The following SLCO1B3 variants were observed in gnomAD, a reference collection of about 807,000 sequenced individuals.
The protein encoded by SLCO1B3 is solute carrier organic anion transporter family member 1B3.
Under a neutral mutation model 71.8 loss-of-function variants are expected in SLCO1B3, and 72 were observed. The observed-to-expected ratio is 1.00, with a 90% CI of 0.83 to 1.22. The LOEUF is 1.22. Ranked by LOEUF, SLCO1B3 falls within the 50% of genes most tolerant of loss-of-function variation. SLCO1B3 has a pLI of 0.00. For synonymous variants in SLCO1B3, 298 were observed against 278.4 expected (o/e 1.07, Z -0.70); for missense variants, 911 against 819.7 (o/e 1.11, Z -1.36).
chr12:20,835,358 T>G (rs931363169), intron 3 of SLCO1B3, among the ~76,000 whole-genome samples: 4 of 152,236 alleles, frequency 2.6e-5, no homozygotes, highest in Non-Finnish European at 4.4e-5. Flanking sequence ...TTCTGCTGCC[T>G]GCTTGAATAT....
chr12:20,901,324 T>A (rs1327554765), intron 14 of SLCO1B3, 26 bp from the exon 15 acceptor site: 3 of 1,302,252 alleles, frequency 2.3e-6, no homozygotes, highest in Non-Finnish European at 3.2e-6. Flanking sequence ...TCACTTGGAT[T>A]GATATCTTTT....
intron 13 of SLCO1B3, among the ~76,000 whole-genome samples, chr12:20,886,212 A>C (rs879490484): frequency 2.6e-5 from 4 of 152,018 alleles, no homozygotes; most frequent in Non-Finnish European, 4.4e-5. Flanking sequence ...GTTTGGAGGA[A>C]GTAGAAAAGC....
At chr12:20,878,743 G>C (rs757866005) in intron 10 of SLCO1B3, among the ~76,000 whole-genome samples, 6 of 152,184 alleles carry the variant, frequency 3.9e-5, no homozygotes, top group African/African-American at 1.4e-4. Context: ...TTTTTTGTTA[G>C]AGGAATCTTC....
chr12:20,891,001 T>TA (rs1340625724), intron 13 of SLCO1B3, among the ~76,000 whole-genome samples: 1 of 152,152 alleles, frequency 6.6e-6, no homozygotes, highest in Non-Finnish European at 1.5e-5. Context: ...GAAGAGTGTT[T>TA]AGTATATTTA....
chr12:20,866,527 A>T (rs1188738200), intron 8 of SLCO1B3, among the ~76,000 whole-genome samples: 1 of 152,150 alleles, frequency 6.6e-6, no homozygotes, highest in Non-Finnish European at 1.5e-5. Flanking sequence ...TGAATGATTT[A>T]AAGCTGGAGA....
intron 13 of SLCO1B3, among the ~76,000 whole-genome samples, chr12:20,887,793 T>C (rs1865821866): frequency 6.6e-6 from 1 of 151,916 alleles, no homozygotes; most frequent in South Asian, 2.1e-4. Flanking sequence ...TCATAATTTC[T>C]TTGCCTAGAT....
At position 20,817,643 on chromosome 12, in the gene SLCO1B3, A is replaced by G. The variant is rs535908099; in HGVS notation, c.84+1821A>G. 3.9e-5 allele frequency among the ~76,000 whole-genome samples: 6 copies of G among 152,188 alleles called. No individual in the cohort carries two copies. In the East Asian group the frequency reaches 1.2e-3, roughly 30 times the overall value. On this transcript the variant is annotated intron_variant, in intron 3 of 15. Transcript: ENST00000381545. Reference sequence around the variant, plus strand: ...CGCTCTGTCACCCAGGCTGGAGTGCAGTGGCATGATCTCGGCTCACTGCAA... The same window carrying G: ...CGCTCTGTCACCCAGGCTGGAGTGCGGTGGCATGATCTCGGCTCACTGCAA...
At chr12:20,905,441 C>T (rs1302361583) in intron 15 of SLCO1B3, among the ~76,000 whole-genome samples, 1 of 152,200 alleles carries the variant, frequency 6.6e-6, no homozygotes, top group African/African-American at 2.4e-5. Flanking sequence ...ATTTTCCAAA[C>T]ATTTAAATGT....
At chr12:20,816,467 T>C (rs1864196166) in intron 3 of SLCO1B3, among the ~76,000 whole-genome samples, 1 of 152,238 alleles carries the variant, frequency 6.6e-6, no homozygotes, top group African/African-American at 2.4e-5. Context: ...TTTGTCTTTC[T>C]GTGCCTGGAT....
chr12:20,879,205 CTT>C (rs4149166), intron 10 of SLCO1B3, among the ~76,000 whole-genome samples: 18 of 95,226 alleles, frequency 1.9e-4, no homozygotes, highest in Non-Finnish European at 2.6e-4. Context: ...ACCCTTCTCT[CTT>C]TTTTTTTTTT....
chr12:20,861,103 C>A lies in SLCO1B3; in HGVS notation c.446C>A (p.Ser149Ter). The A allele has an allele frequency of 6.3e-7, 1 of 1,598,554 alleles. No homozygotes were observed. Among genetic ancestry groups the A allele is most frequent in the South Asian group, 1.1e-5 (1 of 88,364 alleles). ...LSTCLINQTL[S>*]FNGTSPEIVE... ...ACCTGTTTAATTAATCAAACCTTAT[C>A]ATTCAATGGAACATCACCTGAGATA... Residue 149 changes from serine to a stop codon, truncating the protein, a stop_gained, in exon 6 of 16, where the codon TCA becomes TAA. Coordinates refer to ENST00000381545, the MANE Select transcript of SLCO1B3 (RefSeq NM_019844.4). LOFTEE classifies it high-confidence loss of function.
In SLCO1B3 at chr12:20,906,900, G is replaced by A. The variant is rs184655257; in HGVS notation, c.1865+5433G>A. Among the ~76,000 whole-genome samples, 317 of 152,034 alleles carry A rather than the reference G, an allele frequency of 2.1e-3. 6 individuals carry two copies. Among genetic ancestry groups the A allele is most frequent in the Admixed American group, 0.018 (282 of 15,252 alleles). On this transcript the variant is annotated intron_variant, in intron 15 of 15. Transcript: ENST00000381545. ...CTTTGAGCCAACAGCAATACTTCTA[G>A]GAATTTATCCTAAAGATATCTATAC...
At chr12:20,900,170 A>C (rs1866098714) in intron 14 of SLCO1B3, among the ~76,000 whole-genome samples, 1 of 152,014 alleles carries the variant, frequency 6.6e-6, no homozygotes, top group Non-Finnish European at 1.5e-5. Context: ...AAATCTGCAA[A>C]TTTCTCACCC....
intron 3 of SLCO1B3, among the ~76,000 whole-genome samples, chr12:20,833,821 TGCACAC>T (rs1292672411): frequency 3.4e-5 from 5 of 147,806 alleles, no homozygotes; most frequent in Non-Finnish European, 7.5e-5. Context: ...TATCTATATA[TGCACAC>T]ACACAGTTTG....
At chr12:20,855,788 A>G (rs1166098617) in intron 4 of SLCO1B3, among the ~76,000 whole-genome samples, 2 of 151,016 alleles carry the variant, frequency 1.3e-5, no homozygotes, top group Non-Finnish European at 3.0e-5. Context: ...TATATTTTCA[A>G]TATAATAATT....
intron 10 of SLCO1B3, among the ~76,000 whole-genome samples, 165 bp from the exon 11 acceptor site, chr12:20,879,271 C>G (rs1029148778): frequency 2.3e-5 from 3 of 132,392 alleles, no homozygotes; most frequent in Non-Finnish European, 4.6e-5. Flanking sequence ...TGCAGTGGCG[C>G]GATCTCGGCT....
chr12:20,845,277 C>A, intron 3 of SLCO1B3: 1 of 385,610 alleles, frequency 2.6e-6, no homozygotes, highest in South Asian at 2.3e-5. Flanking sequence ...AAAGAGCAGC[C>A]CCAGTTAGTG....
chr12:20,826,095 C>T (rs1373619041), intron 3 of SLCO1B3, among the ~76,000 whole-genome samples: 1 of 152,048 alleles, frequency 6.6e-6, no homozygotes, highest in Non-Finnish European at 1.5e-5. Context: ...GTAAACCGTA[C>T]TTGAATTAGT....
intron 13 of SLCO1B3, among the ~76,000 whole-genome samples, chr12:20,886,073 A>G (rs1370899296): frequency 1.3e-5 from 2 of 152,120 alleles, no homozygotes; most frequent in African/African-American, 4.8e-5. Flanking sequence ...GGCAAAGCCA[A>G]TATGATTTGC....
Sources: gnomAD v4.1 joint callset for allele counts (sites outside exome capture counted in the v4.1 genomes callset) on GRCh38, gnomAD v4.1.1 for gene constraint, MANE v1.5 for transcripts, NCBI Gene and HGNC (gene_info 2026-07-23, HGNC 2026-07-21) for gene names.